Variants in TP73 observed in about 807,000 individuals in gnomAD.
The protein encoded by TP73 is tumor protein p73, also known as p53-like transcription factor.
Under a neutral mutation model 62.5 loss-of-function variants are expected in TP73, and 25 were observed. The ratio of observed to expected loss-of-function variants is 0.40; its 90% CI spans 0.29 to 0.56. TP73 has a LOEUF of 0.56. Ranked by LOEUF, TP73 falls within the 20% of genes least tolerant of loss-of-function variation. The pLI is 0.46. For missense variants in TP73, 754 were observed against 913.3 expected (o/e 0.83, Z 2.25); for synonymous variants, 423 against 377.5 (o/e 1.12, Z -1.40).
chr1:3,687,315 T>C (rs1245417751), intron 3 of TP73, among the ~76,000 whole-genome samples: 2 of 152,170 alleles, frequency 1.3e-5, no homozygotes, highest in Admixed American at 1.3e-4. Context: ...TGAGGAAGGC[T>C]TGACGGGCTT....
chr1:3,668,945 T>G (rs1645180580), intron 1 of TP73, among the ~76,000 whole-genome samples: 1 of 152,196 alleles, frequency 6.6e-6, no homozygotes. Context: ...CGGCAGGTGC[T>G]GGCTCCAGGC....
chr1:3,707,855 C>T lies in TP73; in HGVS notation c.429+64C>T, dbSNP rs543401681. The T allele has an allele frequency of 1.4e-4, 212 of 1,556,054 alleles. 1 individual carries two copies. Among genetic ancestry groups the T allele is most frequent in the Admixed American group, 3.7e-5 (2 of 53,414 alleles). ...CTGCGGGCTGGAGAGGAGGTGGCTG[C>T]GTTCCCCGCACCTCAAGAGGTCTGA... On this transcript the variant is annotated intron_variant, in intron 4 of 13. Transcript: ENST00000378295.
intron 3 of TP73, among the ~76,000 whole-genome samples, chr1:3,690,062 G>A (rs3765727): frequency 0.27 from 41,043 of 152,144 alleles, 6,966 homozygotes; most frequent in Non-Finnish European, 0.37. Flanking sequence ...CCCCACTGCC[G>A]GGCTGTTCTT....
chr1:3,665,864 G>A (rs1485579907), intron 1 of TP73, among the ~76,000 whole-genome samples: 1 of 144,980 alleles, frequency 6.9e-6, no homozygotes, highest in Non-Finnish European at 1.5e-5. Context: ...ACCAGGCAAG[G>A]TGGCTCACAC....
chr1:3,679,794 T>C (rs1645472934), intron 1 of TP73, among the ~76,000 whole-genome samples: 1 of 143,208 alleles, frequency 7.0e-6, no homozygotes, highest in Non-Finnish European at 1.5e-5. Context: ...GTTTTGTCTC[T>C]CTTTGTCCCT....
chr1:3,715,800 A>G (rs527730752), intron 4 of TP73, among the ~76,000 whole-genome samples: 44 of 152,074 alleles, frequency 2.9e-4, no homozygotes, highest in African/African-American at 9.9e-4. Context: ...GGCCTTCACT[A>G]TGCACTGGAG....
chr1:3,711,149 C>T (rs1640108008), intron 4 of TP73, among the ~76,000 whole-genome samples: 1 of 152,250 alleles, frequency 6.6e-6, no homozygotes, highest in Admixed American at 6.5e-5. Flanking sequence ...TATGGCCTGC[C>T]AGCCATGGTG....
chr1:3,707,916 C>T (rs1639809386), intron 4 of TP73, 125 bp downstream of exon 4: 2 of 1,440,138 alleles, frequency 1.4e-6, no homozygotes, highest in African/African-American at 2.8e-5. Flanking sequence ...TCCCACCTGG[C>T]CCGGGCCAGG....
Position 3,735,023 on chromosome 1 carries a change from G to A in TP73, c.*1944G>A, listed in dbSNP as rs979653539. 1 of 152,392 alleles carries A rather than the reference G, an allele frequency of 6.6e-6. No homozygotes were observed. The highest frequency in any genetic ancestry group is 2.4e-5 in the African/African-American group (1 of 41,458). 9.4% of individuals were successfully genotyped at this position (152,392 alleles called of 1,614,324 possible). On this transcript the variant is annotated 3_prime_UTR_variant, in exon 14 of 14. Coordinates refer to ENST00000378295, the MANE Select transcript of TP73 (RefSeq NM_005427.4). ...AGTAGCGGCAGCAGCAGCAGACTCG[G>A]GGCTTTCCCAGGGTGGCGCAGCCAC...
chr1:3,726,654 T>C (rs1287826538), intron 6 of TP73, among the ~76,000 whole-genome samples: 4 of 127,456 alleles, frequency 3.1e-5, no homozygotes, highest in Non-Finnish European at 6.4e-5. Flanking sequence ...GATGGATGGA[T>C]GGATTGATTG....
At chr1:3,668,988 C>T (rs1645181898) in intron 1 of TP73, among the ~76,000 whole-genome samples, 1 of 152,250 alleles carries the variant, frequency 6.6e-6, no homozygotes, top group African/African-American at 2.4e-5. Flanking sequence ...AGGCCATGCT[C>T]CGCCCCCAGC....
chr1:3,730,096 G>T lies in TP73; in HGVS notation c.1293G>T (p.Val431=). The part of the protein sequence containing the change: ...MNKLPSVNQL[V]GQPPPHSSAA... ...AGCTGCCCTCCGTCAACCAGCTGGT[G>T]GGCCAGCCTCCCCCGCACAGTTCGG... Residue 431 remains valine, a synonymous_variant, in exon 11 of 14, where the codon GTG becomes GTT. Transcript: ENST00000378295. The T allele has an allele frequency of 2.5e-6, 4 of 1,589,890 alleles. No homozygotes were observed. Among genetic ancestry groups the T allele is most frequent in the Non-Finnish European group, 3.4e-6 (4 of 1,168,992 alleles).
At chr1:3,677,877 T>A (rs1645410290) in intron 1 of TP73, among the ~76,000 whole-genome samples, 1 of 151,946 alleles carries the variant, frequency 6.6e-6, no homozygotes, top group Non-Finnish European at 1.5e-5. Context: ...AATATTTTTT[T>A]AAGTTTTTGG....
intron 3 of TP73, among the ~76,000 whole-genome samples, chr1:3,697,796 G>A (rs1638800888): frequency 1.3e-5 from 2 of 152,236 alleles, no homozygotes; most frequent in Admixed American, 6.5e-5. Context: ...GCAGAGCGGG[G>A]CTGGGTGATT....
chr1:3,678,998 G>A (rs887429926), intron 1 of TP73, among the ~76,000 whole-genome samples: 1 of 152,202 alleles, frequency 6.6e-6, no homozygotes, highest in Admixed American at 6.5e-5. Flanking sequence ...AGCCTGGAGG[G>A]CCGGACGGGT....
At chr1:3,718,943 G>A (rs1369573773) in intron 4 of TP73, among the ~76,000 whole-genome samples, 1 of 152,144 alleles carries the variant, frequency 6.6e-6, no homozygotes, top group African/African-American at 2.4e-5. Context: ...AACACCTGCA[G>A]GCCACTGTGT....
At chr1:3,690,625 A>G in intron 3 of TP73, 1 of 1,333,252 alleles carries the variant, frequency 7.5e-7, no homozygotes, top group Non-Finnish European at 9.7e-7. Context: ...CCGGACTTGG[A>G]TGAATACTCA....
intron 8 of TP73, 30 bp downstream of exon 8, chr1:3,727,800 G>T (rs571470041): frequency 6.6e-7 from 1 of 1,505,262 alleles, no homozygotes; most frequent in Non-Finnish European, 8.9e-7. Flanking sequence ...AACTGGACGC[G>T]TGTGGGAGGA....
chr1:3,729,742 C>G, intron 10 of TP73: 1 of 750,684 alleles, frequency 1.3e-6, no homozygotes, highest in East Asian at 2.7e-5. Flanking sequence ...CATGACCCAC[C>G]AAGACCAGAG....
Sources: allele counts gnomAD v4.1 joint callset (sites outside exome capture counted in the v4.1 genomes callset), GRCh38; gene constraint gnomAD v4.1.1; transcripts MANE v1.5; gene names NCBI Gene and HGNC (gene_info 2026-07-23, HGNC 2026-07-21).